The following QRICH1 variants were observed in gnomAD, a reference collection of about 807,000 sequenced individuals.
QRICH1 encodes transcriptional regulator QRICH1.
In QRICH1, 16 loss-of-function variants were observed where a neutral mutation model predicts 87.1. That is an observed-to-expected ratio of 0.18 (90% CI 0.12 to 0.28). The LOEUF (loss-of-function observed/expected upper bound fraction) is 0.28. Among genes scored for constraint, QRICH1 ranks in the 10% least tolerant of loss-of-function variants. The pLI, the probability that QRICH1 is intolerant of heterozygous loss-of-function variation, is 1.00. For missense variants in QRICH1, 647 were observed against 951.7 expected (o/e 0.68, Z 4.21); for synonymous variants, 367 against 368.4 (o/e 1.00, Z 0.05).
In QRICH1 at chr3:49,061,134, T is replaced by TAAA. The variant is rs57557768; in HGVS notation, c.310-3247_310-3245dup. On this transcript the variant is annotated intron_variant, in intron 2 of 9. Coordinates refer to ENST00000395443, the MANE Select transcript of QRICH1 (RefSeq NM_198880.3). ...TGGGTGACAGAGTGAGCCTCCATCTTAAAAAAAAAAAAAAAAAAAAAAAAA... is the reference window on the plus strand; with the variant it reads ...TGGGTGACAGAGTGAGCCTCCATCTTAAAAAAAAAAAAAAAAAAAAAAAAAAAA... Among the ~76,000 whole-genome samples the TAAA allele has an allele frequency of 2.7e-3, 107 of 39,740 alleles. 3 individuals are homozygous for TAAA. The highest frequency in any genetic ancestry group is 0.012 in the East Asian group (10 of 810). 26.1% of individuals were successfully genotyped at this position (39,740 alleles called of 152,430 possible).
chr3:49,084,823 A>T lies in QRICH1; in HGVS notation c.-21-7785T>A, dbSNP rs117876624. ...GCCTAGATGATGGAACCACAGAGTAATTAAGTTTCTTCTGTTAAACACTCT... is the reference window on the plus strand; with the variant it reads ...GCCTAGATGATGGAACCACAGAGTATTTAAGTTTCTTCTGTTAAACACTCT... On this transcript the variant is annotated intron_variant, in intron 1 of 9. Coordinates refer to ENST00000395443, the MANE Select transcript of QRICH1 (RefSeq NM_198880.3). Among the ~76,000 whole-genome samples the T allele has an allele frequency of 2.9e-3, 443 of 152,238 alleles. 4 individuals are homozygous for T. The highest frequency in any genetic ancestry group is 9.7e-3 in the African/African-American group (404 of 41,558).
chr3:49,071,068 C>CT (rs10600221), intron 2 of QRICH1, among the ~76,000 whole-genome samples: 21 of 145,044 alleles, frequency 1.4e-4, no homozygotes, highest in African/African-American at 2.8e-4. Flanking sequence ...AATCCCCAAA[C>CT]TTTTTTTTTT....
chr3:49,069,022 G>T (rs1273214006), intron 2 of QRICH1, among the ~76,000 whole-genome samples: 1 of 151,190 alleles, frequency 6.6e-6, no homozygotes, highest in Non-Finnish European at 1.5e-5. Flanking sequence ...CTGTAGGTTA[G>T]AAATTTGTGA....
rs768330311 is a variant in QRICH1, at chr3:49,030,427, T to C, written c.*25A>G. On this transcript the variant is annotated 3_prime_UTR_variant, in exon 10 of 10. Transcript: ENST00000395443. Reference sequence around the variant, plus strand: ...TCTGTCTGGTTTTTCCTGGCTGGTTTCTCTTGTGCCATGGCCAAGGCATCT... The same window carrying C: ...TCTGTCTGGTTTTTCCTGGCTGGTTCCTCTTGTGCCATGGCCAAGGCATCT... 5 of 1,604,428 alleles carry C rather than the reference T, an allele frequency of 3.1e-6. No homozygotes were observed. Among genetic ancestry groups the C allele is most frequent in the Non-Finnish European group, 4.3e-6 (5 of 1,175,858 alleles).
chr3:49,064,984 C>A (rs2093458956), intron 2 of QRICH1, among the ~76,000 whole-genome samples: 1 of 151,900 alleles, frequency 6.6e-6, no homozygotes, highest in Admixed American at 6.6e-5. Context: ...GTCACTCATG[C>A]CAGCCTGGGG....
intron 2 of QRICH1, among the ~76,000 whole-genome samples, chr3:49,072,404 T>G (rs942436536): frequency 6.6e-6 from 1 of 151,908 alleles, no homozygotes; most frequent in Non-Finnish European, 1.5e-5. Context: ...TGTGCGCCTG[T>G]GGTCCCATGT....
At chr3:49,060,086 T>C (rs551450867) in intron 2 of QRICH1, among the ~76,000 whole-genome samples, 2 of 149,954 alleles carry the variant, frequency 1.3e-5, no homozygotes, top group African/African-American at 4.9e-5. Context: ...GGTTTCACCG[T>C]GTTAGCCAGG....
intron 1 of QRICH1, among the ~76,000 whole-genome samples, chr3:49,078,515 C>T (rs11712006): frequency 0.076 from 11,234 of 148,768 alleles, 557 homozygotes; most frequent in Non-Finnish European, 0.1. Context: ...CTGCCTCAGC[C>T]TCCCGAGTAG....
At chr3:49,068,501 T>A (rs1308979285) in intron 2 of QRICH1, among the ~76,000 whole-genome samples, 3 of 149,802 alleles carry the variant, frequency 2.0e-5, no homozygotes, top group South Asian at 2.1e-4. Context: ...GCGTAGTAGC[T>A]GTAGTCCAAG....
At chr3:49,034,015 A>G (rs1559923244) in intron 6 of QRICH1, among the ~76,000 whole-genome samples, 1 of 151,758 alleles carries the variant, frequency 6.6e-6, no homozygotes, top group African/African-American at 2.4e-5. Context: ...AAAACAAAAA[A>G]AACAAAAAAA....
chr3:49,083,144 T>G (rs2042096222), intron 1 of QRICH1: 1 of 134,416 alleles, frequency 7.4e-6, no homozygotes, highest in South Asian at 2.4e-4. Context: ...AGGCGGAGGT[T>G]GCAGTGAGCC....
intron 1 of QRICH1, among the ~76,000 whole-genome samples, chr3:49,090,130 T>C (rs900194615): frequency 2.6e-5 from 4 of 151,336 alleles, no homozygotes; most frequent in East Asian, 3.9e-4. Flanking sequence ...CTGACCAACA[T>C]AGTGAAACTC....
chr3:49,081,800 C>T (rs1217449058), intron 1 of QRICH1, among the ~76,000 whole-genome samples: 4 of 151,598 alleles, frequency 2.6e-5, no homozygotes, highest in Admixed American at 6.6e-5. Flanking sequence ...CATGCCTGGC[C>T]GAAGCCTTCT....
At chr3:49,093,523 T>G (rs1278501323) in intron 1 of QRICH1, 1 of 150,674 alleles carries the variant, frequency 6.6e-6, no homozygotes, top group African/African-American at 2.4e-5. Flanking sequence ...GCCCCAAAAC[T>G]GGGGGTCGTC....
intron 2 of QRICH1, among the ~76,000 whole-genome samples, chr3:49,066,904 G>A (rs1422120959): frequency 6.6e-6 from 1 of 151,906 alleles, no homozygotes; most frequent in Non-Finnish European, 1.5e-5. Context: ...CAGACGTGGT[G>A]GTGTGCACCT....
chr3:49,043,554 G>C (rs542229742), intron 6 of QRICH1, among the ~76,000 whole-genome samples: 2 of 140,538 alleles, frequency 1.4e-5, no homozygotes, highest in African/African-American at 5.4e-5. Context: ...GGCCAGGCAC[G>C]GTGGTGGCTC....
chr3:49,046,278 A>C (rs2093339134), intron 5 of QRICH1, 147 bp downstream of exon 5: 3 of 876,476 alleles, frequency 3.4e-6, no homozygotes, highest in Non-Finnish European at 4.9e-6. Flanking sequence ...AAAAAAAAAA[A>C]CAACAAATGT....
intron 6 of QRICH1, among the ~76,000 whole-genome samples, chr3:49,039,505 A>C (rs1236957608): frequency 6.6e-6 from 1 of 150,974 alleles, no homozygotes; most frequent in Non-Finnish European, 1.5e-5. Context: ...GGTGCCTGTA[A>C]TCCCAGCTAC....
chr3:49,064,712 AAATT>A (rs936312135), intron 2 of QRICH1, among the ~76,000 whole-genome samples: 4 of 152,126 alleles, frequency 2.6e-5, no homozygotes, highest in Non-Finnish European at 4.4e-5. Flanking sequence ...AAAACAAAAA[AAATT>A]AATTAAAAAT....
Sources: allele counts gnomAD v4.1 joint callset (sites outside exome capture counted in the v4.1 genomes callset), GRCh38; gene constraint gnomAD v4.1.1; transcripts MANE v1.5; gene names NCBI Gene and HGNC (gene_info 2026-07-23, HGNC 2026-07-21).